The following ATXN2 variants were observed in gnomAD, a reference collection of about 807,000 sequenced individuals.
ATXN2 encodes the protein ataxin 2.
Under a neutral mutation model 138.6 loss-of-function variants are expected in ATXN2, and 37 were observed. The ratio of observed to expected loss-of-function variants is 0.27; its 90% CI spans 0.21 to 0.35. The LOEUF is 0.35. ATXN2 is among the 10% of genes least tolerant of loss of function. ATXN2 has a pLI of 1.00. For synonymous variants in ATXN2, 549 were observed against 543.7 expected, an observed-to-expected ratio of 1.01 and a Z score of -0.13; for missense variants, 1,216 against 1,480.3, an observed-to-expected ratio of 0.82 and a Z score of 2.93.
intron 1 of ATXN2, among the ~76,000 whole-genome samples, chr12:111,590,728 C>G (rs1884613293): frequency 6.6e-6 from 1 of 151,820 alleles, no homozygotes; most frequent in Non-Finnish European, 1.5e-5. Context: ...GACTGCACAA[C>G]AGGAGCTGTG....
chr12:111,563,396 T>C (rs1170902605), intron 1 of ATXN2, among the ~76,000 whole-genome samples: 1 of 152,144 alleles, frequency 6.6e-6, no homozygotes, highest in Admixed American at 6.5e-5. Context: ...TTAAAGGACA[T>C]TAGAAGGTCT....
At chr12:111,491,241 G>A (rs1009999547) in intron 14 of ATXN2, among the ~76,000 whole-genome samples, 1 of 152,002 alleles carries the variant, frequency 6.6e-6, no homozygotes, top group Non-Finnish European at 1.5e-5. Context: ...CAATAAGAGC[G>A]AAACTCTGCC....
intron 13 of ATXN2, 99 bp from the exon 14 acceptor site, chr12:111,509,718 A>T (rs967775616): frequency 9.0e-5 from 84 of 932,916 alleles, no homozygotes; most frequent in Non-Finnish European, 1.3e-4. Flanking sequence ...AAGATATAAG[A>T]TCAGAAAATA....
At chr12:111,583,233 C>T (rs886910742) in intron 1 of ATXN2, among the ~76,000 whole-genome samples, 2 of 151,570 alleles carry the variant, frequency 1.3e-5, no homozygotes, top group African/African-American at 4.9e-5. Flanking sequence ...CCTCGTGATC[C>T]ACCCGCCTCA....
At chr12:111,489,473 C>A (rs1323102990) in intron 14 of ATXN2, among the ~76,000 whole-genome samples, 2 of 152,026 alleles carry the variant, frequency 1.3e-5, no homozygotes. Context: ...ATTAGCCAGG[C>A]ATGGTGGCAG....
chr12:111,538,321 A>C (rs919197867), intron 5 of ATXN2, among the ~76,000 whole-genome samples: 2 of 152,166 alleles, frequency 1.3e-5, no homozygotes, highest in Non-Finnish European at 2.9e-5. Flanking sequence ...AACATTTATA[A>C]GATAAAATAC....
chr12:111,553,106 A>G, intron 3 of ATXN2, 129 bp from the exon 4 acceptor site: 1 of 502,288 alleles, frequency 2.0e-6, no homozygotes, highest in East Asian at 3.5e-5. Flanking sequence ...ACAAAACAAT[A>G]AAAAAATTTC....
chr12:111,504,700 C>T (rs1000323989), intron 14 of ATXN2, among the ~76,000 whole-genome samples: 8 of 152,034 alleles, frequency 5.3e-5, no homozygotes, highest in Non-Finnish European at 1.0e-4. Flanking sequence ...GGTTATGTGT[C>T]AATTAGAAAT....
chr12:111,506,186 G>C (rs1270219703), intron 14 of ATXN2, among the ~76,000 whole-genome samples: 2 of 152,186 alleles, frequency 1.3e-5, no homozygotes, highest in African/African-American at 4.8e-5. Context: ...CGGTTGCTTA[G>C]GGTTGGGAGT....
chr12:111,502,620 G>A (rs1279823337), intron 14 of ATXN2, among the ~76,000 whole-genome samples: 1 of 151,918 alleles, frequency 6.6e-6, no homozygotes, highest in East Asian at 1.9e-4. Flanking sequence ...TAGTAGAGAT[G>A]GGGTTTCATC....
chr12:111,485,558 C>A (rs945887959), intron 17 of ATXN2, among the ~76,000 whole-genome samples, 155 bp downstream of exon 17: 1 of 152,190 alleles, frequency 6.6e-6, no homozygotes, highest in South Asian at 2.1e-4. Context: ...TTTAGGTCCT[C>A]ATACTTAACA....
chr12:111,518,535 C>A, intron 8 of ATXN2, 108 bp from the exon 9 acceptor site: 2 of 1,180,034 alleles, frequency 1.7e-6, no homozygotes, highest in South Asian at 3.7e-5. Flanking sequence ...CAAAAAGGTT[C>A]TACACTAAAC....
intron 18 of ATXN2, chr12:111,470,980 C>G: frequency 2.0e-6 from 1 of 503,202 alleles, no homozygotes; most frequent in Non-Finnish European, 3.6e-6. Context: ...CTTCAGGTGT[C>G]AGCTTGAAAG....
intron 21 of ATXN2, among the ~76,000 whole-genome samples, chr12:111,463,200 A>G (rs930239210): frequency 3.3e-5 from 5 of 152,242 alleles, no homozygotes; most frequent in Non-Finnish European, 7.3e-5. Flanking sequence ...AACATTTCAT[A>G]CAAGGTGACA....
At chr12:111,513,828 G>A (rs1879696583) in intron 10 of ATXN2, among the ~76,000 whole-genome samples, 1 of 151,936 alleles carries the variant, frequency 6.6e-6, no homozygotes, top group Non-Finnish European at 1.5e-5. Context: ...TCAACAATAA[G>A]ATGTCAACTC....
rs989467637 is a variant in ATXN2 at position 111,520,954 on chromosome 12, T to A, written c.716A>T (p.Asn239Ile). The A allele has an allele frequency of 1.3e-6, 2 of 1,591,014 alleles. No homozygotes were observed. Among genetic ancestry groups the A allele is most frequent in the Non-Finnish European group, 1.7e-6 (2 of 1,163,778 alleles). Residue 239 changes from asparagine to isoleucine, a missense_variant, in exon 7 of 25, where the codon AAT becomes ATT. Physicochemically the swap from Asn to Ile is moderately radical, Grantham distance 149. Transcript: ENST00000673436. The stretch of plus-strand genomic sequence containing the variant: ...TTCTTCATTATATCGAAACATATCA[T>A]TGGGATCCCATCCATTAGACTAGAA... The part of the protein sequence containing the change: ...ENDVSNGWDP[N>I]DMFRYNEENY...
intron 18 of ATXN2, among the ~76,000 whole-genome samples, chr12:111,477,623 C>CA (rs1056421507): frequency 9.9e-5 from 15 of 151,652 alleles, no homozygotes; most frequent in Middle Eastern, 3.4e-3. Context: ...ACTGGCTCTT[C>CA]AAAAAAAACC....
chr12:111,538,083 G>A (rs1419785686), intron 5 of ATXN2, among the ~76,000 whole-genome samples: 1 of 151,152 alleles, frequency 6.6e-6, no homozygotes, highest in Non-Finnish European at 1.5e-5. Flanking sequence ...ACAACAAAAT[G>A]AGACCCTGTC....
rs1245631518 is a variant in ATXN2, at chr12:111,598,757, G to A, written c.251+27C>T. On this transcript the variant is annotated intron_variant, in intron 1 of 24. Transcript: ENST00000673436. The surrounding 1 kb of genome is among the most constrained non-coding windows in gnomAD (Gnocchi z 4.5). The stretch of plus-strand genomic sequence containing the variant: ...GGGGAGGGGACGCCGGGCCCGGAGC[G>A]GAGGGGGCTGGGGTGCCGACACCCA... The A allele has an allele frequency of 1.7e-6, 2 of 1,196,500 alleles. No individual in the cohort carries two copies. Among genetic ancestry groups the A allele is most frequent in the Non-Finnish European group, 2.1e-6 (2 of 965,580 alleles). 74.1% of individuals were successfully genotyped at this position (1,196,500 alleles called of 1,614,324 possible). A position where few individuals can be genotyped will look rare whatever the true frequency, so the allele number is the denominator to read the frequency against.
Sources: gnomAD v4.1 joint callset for allele counts (sites outside exome capture counted in the v4.1 genomes callset) on GRCh38, gnomAD v4.1.1 for gene constraint, Gnocchi (gnomAD v3.1) non-coding constraint, MANE v1.5 for transcripts, NCBI Gene and HGNC (gene_info 2026-07-23, HGNC 2026-07-21) for gene names.